The following HS1BP3 variants were observed in gnomAD, a reference collection of about 807,000 sequenced individuals.
The protein encoded by HS1BP3 is HCLS1 binding protein 3.
Under a neutral mutation model 33.5 loss-of-function variants are expected in HS1BP3, and 32 were observed. The ratio of observed to expected loss-of-function variants is 0.95; its 90% CI spans 0.72 to 1.28. The LOEUF is 1.28. Among genes scored for constraint, HS1BP3 ranks in the 50% most tolerant of loss-of-function variants. HS1BP3 has a pLI of 0.00. For missense variants in HS1BP3, 486 were observed against 502.3 expected (o/e 0.97, Z 0.31); for synonymous variants, 187 against 209.2 (o/e 0.89, Z 0.92).
At chr2:20,557,333 G>C (rs1692864972), downstream of HS1BP3, among the ~76,000 whole-genome samples, 1 of 152,198 alleles carries the variant, frequency 6.6e-6, no homozygotes. Context: ...TCCAACAGCG[G>C]TTATTTTCTC....
chr2:20,609,922 C>T (rs1435152559), intron 2 of HS1BP3, among the ~76,000 whole-genome samples: 1 of 152,186 alleles, frequency 6.6e-6, no homozygotes, highest in African/African-American at 2.4e-5. Context: ...ACTTGGAGCC[C>T]AGGTACCCTG....
intron 5 of HS1BP3, among the ~76,000 whole-genome samples, chr2:20,563,859 A>G (rs984663324): frequency 2.6e-5 from 4 of 152,168 alleles, no homozygotes; most frequent in Non-Finnish European, 5.9e-5. Context: ...GCAGAGTCTC[A>G]GGCCCCACCC....
At chr2:20,647,068 G>A (rs758841731) in intron 1 of HS1BP3, among the ~76,000 whole-genome samples, 7 of 152,124 alleles carry the variant, frequency 4.6e-5, no homozygotes, top group Admixed American at 1.3e-4. Context: ...GAGGCACAGG[G>A]GGGTGAAAGT....
downstream of HS1BP3, among the ~76,000 whole-genome samples, chr2:20,558,061 G>T (rs1692883309): frequency 6.6e-6 from 1 of 152,250 alleles, no homozygotes; most frequent in Admixed American, 6.5e-5. Flanking sequence ...TACTTTTCAA[G>T]GACCCACTTG....
At chr2:20,608,382 C>T (rs1694244460) in intron 2 of HS1BP3, among the ~76,000 whole-genome samples, 1 of 151,928 alleles carries the variant, frequency 6.6e-6, no homozygotes, top group African/African-American at 2.4e-5. Flanking sequence ...CGAGACCAGC[C>T]TGACCAACAT....
chr2:20,591,216 T>C (rs924351296), downstream of HS1BP3: 6 of 167,184 alleles, frequency 3.6e-5, no homozygotes, highest in Non-Finnish European at 8.8e-5. Context: ...GCTTGTGTTC[T>C]TGGGTGCTGC....
At chr2:20,638,005 G>C in intron 4 of HS1BP3, 1 of 272,142 alleles carries the variant, frequency 3.7e-6, no homozygotes, top group Non-Finnish European at 6.9e-6. Context: ...GCCCTGTGTG[G>C]AGGCAGGGCC....
intron 3 of HS1BP3, among the ~76,000 whole-genome samples, chr2:20,595,571 G>GTGCC (rs1693923784): frequency 6.6e-6 from 1 of 152,222 alleles, no homozygotes; most frequent in African/African-American, 2.4e-5. Flanking sequence ...GCCACAGCCC[G>GTGCC]TGCCTGCCTG....
chr2:20,579,580 G>A (rs1337863793), intron 5 of HS1BP3, among the ~76,000 whole-genome samples: 1 of 152,208 alleles, frequency 6.6e-6, no homozygotes, highest in Non-Finnish European at 1.5e-5. Context: ...AGGCTCAATG[G>A]GGTCATTTGT....
At chr2:20,572,920 C>G (rs761816448) in intron 5 of HS1BP3, among the ~76,000 whole-genome samples, 3 of 152,212 alleles carry the variant, frequency 2.0e-5, no homozygotes, top group Non-Finnish European at 4.4e-5. Flanking sequence ...GCCTTCCTGT[C>G]TGCCAGCATA....
intron 2 of HS1BP3, among the ~76,000 whole-genome samples, chr2:20,601,127 A>G (rs80015388): frequency 6.6e-6 from 1 of 152,234 alleles, no homozygotes; most frequent in Non-Finnish European, 1.5e-5. Flanking sequence ...GTTTATCATT[A>G]GCTTCATCAT....
At chr2:20,644,197 G>A (rs1695448317) in intron 2 of HS1BP3, among the ~76,000 whole-genome samples, 1 of 152,124 alleles carries the variant, frequency 6.6e-6, no homozygotes, top group Admixed American at 6.5e-5. Flanking sequence ...GCCAATGAGT[G>A]TGTGATCTCA....
intron 2 of HS1BP3, among the ~76,000 whole-genome samples, chr2:20,607,562 C>A (rs960737449): frequency 6.6e-6 from 1 of 152,220 alleles, no homozygotes; most frequent in Admixed American, 6.5e-5. Context: ...AAGTGCCACA[C>A]GTGTATGAGT....
chr2:20,638,736 C>G lies in HS1BP3; in HGVS notation c.407-84G>C. On this transcript the variant is annotated intron_variant, in intron 3 of 6. Coordinates refer to ENST00000304031, the MANE Select transcript of HS1BP3 (RefSeq NM_022460.4). The stretch of plus-strand genomic sequence containing the variant: ...TCTTGCCACACTGCACCCTCCCATG[C>G]CAGGATCTGAGGCCGAGGGCTTCCT... The G allele has an allele frequency of 3.6e-6, 4 of 1,100,944 alleles. No homozygotes were observed. The Middle Eastern group carries it at 8.2e-4, about 226-fold the overall frequency. The allele number at this position is 1,100,944 out of a possible 1,614,324, so 68.2% of individuals were successfully genotyped here.
chr2:20,564,152 G>A (rs1308259727), intron 5 of HS1BP3, among the ~76,000 whole-genome samples: 2 of 152,240 alleles, frequency 1.3e-5, no homozygotes, highest in Non-Finnish European at 2.9e-5. Flanking sequence ...CAGAGCATGT[G>A]AGAATTTGTC....
At chr2:20,622,546 A>G (rs1027462318) in intron 6 of HS1BP3, 4 of 345,342 alleles carry the variant, frequency 1.2e-5, no homozygotes, top group Admixed American at 1.1e-4. Context: ...CATTTCCCCA[A>G]TTCATCAGCC....
intron 2 of HS1BP3, among the ~76,000 whole-genome samples, chr2:20,644,204 C>T (rs1176842528): frequency 6.6e-6 from 1 of 152,152 alleles, no homozygotes; most frequent in African/African-American, 2.4e-5. Flanking sequence ...AGTGTGTGAT[C>T]TCAACCCTCT....
intron 6 of HS1BP3, chr2:20,622,173 CATGA>C (rs1472522129): frequency 5.4e-6 from 7 of 1,285,996 alleles, no homozygotes; most frequent in South Asian, 3.8e-5. Context: ...GGGGTGAAAG[CATGA>C]ATGAATGAAT....
intron 4 of HS1BP3, among the ~76,000 whole-genome samples, chr2:20,625,800 G>A (rs892338606): frequency 3.3e-5 from 5 of 152,182 alleles, no homozygotes; most frequent in Non-Finnish European, 2.9e-5. Flanking sequence ...TGATCCAGGC[G>A]GTAGTTACGG....
Sources: allele counts gnomAD v4.1 joint callset (sites outside exome capture counted in the v4.1 genomes callset), GRCh38; gene constraint gnomAD v4.1.1; transcripts MANE v1.5; gene names NCBI Gene and HGNC (gene_info 2026-07-23, HGNC 2026-07-21).